FRMD4B: variants seen among roughly 807,000 people sequenced by gnomAD.
The protein encoded by FRMD4B is FERM domain containing 4B.
FRMD4B carries 74 observed loss-of-function variants against 141.5 expected under a neutral mutation model. That is an observed-to-expected ratio of 0.52 (90% CI 0.43 to 0.63). The LOEUF (loss-of-function observed/expected upper bound fraction) is 0.63. Ranked by LOEUF, FRMD4B falls within the 30% of genes least tolerant of loss-of-function variation. FRMD4B has a pLI of 0.00. For synonymous variants in FRMD4B, 506 were observed against 467.9 expected (o/e 1.08, Z -1.05); for missense variants, 1,366 against 1,253.4 (o/e 1.09, Z -1.36).
chr3:69,368,434 T>C (rs62254082), intron 1 of FRMD4B, among the ~76,000 whole-genome samples: 45,907 of 152,152 alleles, frequency 0.3, 8,164 homozygotes, highest in East Asian at 0.62. Flanking sequence ...GCAGCTGCTG[T>C]GGCTGAGGAA....
rs765334852 is a variant in FRMD4B at position 69,247,742 on chromosome 3, G to A, written c.581+1484C>T. ...CGGCTCACTGCAAGCTCCACCTCCC[G>A]GGTTCACGCCATTCTCCTGCCACAG... On this transcript the variant is annotated intron_variant, in intron 7 of 22. Coordinates refer to ENST00000398540, the MANE Select transcript of FRMD4B (RefSeq NM_015123.3). Among the ~76,000 whole-genome samples the A allele has an allele frequency of 5.9e-4, 90 of 152,184 alleles. 1 individual carries two copies. The highest frequency in any genetic ancestry group is 2.4e-4 in the Non-Finnish European group (16 of 68,016).
chr3:69,309,565 C>G (rs960565065), intron 3 of FRMD4B, among the ~76,000 whole-genome samples: 1 of 151,514 alleles, frequency 6.6e-6, no homozygotes, highest in East Asian at 1.9e-4. Flanking sequence ...ACCTCAGCCT[C>G]CCGAGTAGCT....
At chr3:69,483,729 T>C (rs1185738857) in intron 1 of FRMD4B, among the ~76,000 whole-genome samples, 1 of 152,146 alleles carries the variant, frequency 6.6e-6, no homozygotes, top group African/African-American at 2.4e-5. Flanking sequence ...AGGCAATAAA[T>C]GTTAACCAAC....
Position 69,418,385 on chromosome 3 carries a change from A to G in FRMD4B, c.-1+14249T>C, listed in dbSNP as rs76097845. ...CCCTATGACCTCCACACCCTGTGTA[A>G]TCCCCTTCCCTTGAGTGTAGCCAGG... On this transcript the variant is annotated intron_variant, in intron 2 of 5. Transcript: ENST00000459638. Among the ~76,000 whole-genome samples the G allele has an allele frequency of 6.0e-3, 906 of 152,228 alleles. 9 individuals are homozygous for G. The highest frequency in any genetic ancestry group is 0.021 in the African/African-American group (859 of 41,530).
At chr3:69,418,840 G>A (rs1367348628) in intron 2 of FRMD4B, among the ~76,000 whole-genome samples, 4 of 151,846 alleles carry the variant, frequency 2.6e-5, no homozygotes, top group African/African-American at 9.7e-5. Context: ...GTGTGTGTGT[G>A]TGTATAACAC....
chr3:69,506,497 A>T (rs1190844310), intron 1 of FRMD4B, among the ~76,000 whole-genome samples: 1 of 152,058 alleles, frequency 6.6e-6, no homozygotes, highest in Non-Finnish European at 1.5e-5. Flanking sequence ...AAGTGTATTA[A>T]TTCCTCAGAG....
At chr3:69,256,223 G>A (rs1049350375) in intron 5 of FRMD4B, among the ~76,000 whole-genome samples, 1 of 152,222 alleles carries the variant, frequency 6.6e-6, no homozygotes, top group African/African-American at 2.4e-5. Context: ...ATGAGTGAGT[G>A]CATGCAGCTG....
At chr3:69,230,811 C>G (rs1280189524) in intron 7 of FRMD4B, among the ~76,000 whole-genome samples, 2 of 151,988 alleles carry the variant, frequency 1.3e-5, no homozygotes, top group Middle Eastern at 3.4e-3. Flanking sequence ...TATCCCATAA[C>G]AGTATAAATG....
intron 1 of FRMD4B, among the ~76,000 whole-genome samples, chr3:69,323,272 A>G (rs979465966): frequency 6.6e-5 from 10 of 152,032 alleles, no homozygotes; most frequent in Non-Finnish European, 5.9e-5. Context: ...TTTATATACA[A>G]AGGGCCTTTT....
At chr3:69,519,996 C>CTATA in intron 1 of FRMD4B, among the ~76,000 whole-genome samples, 1 of 56,610 alleles carries the variant, frequency 1.8e-5, no homozygotes, top group African/African-American at 1.2e-4. Context: ...GAGTAGTATT[C>CTATA]CATATATATA....
intron 1 of FRMD4B, among the ~76,000 whole-genome samples, chr3:69,434,085 C>A (rs1705223024): frequency 1.3e-5 from 2 of 152,152 alleles, no homozygotes; most frequent in Non-Finnish European, 2.9e-5. Flanking sequence ...GACAAAAGCT[C>A]CTTGAGGGAT....
At chr3:69,425,980 C>A (rs934142317) in intron 2 of FRMD4B, among the ~76,000 whole-genome samples, 8 of 152,192 alleles carry the variant, frequency 5.3e-5, no homozygotes, top group Non-Finnish European at 2.9e-5. Flanking sequence ...TCAAAGTCTA[C>A]CATAACAGGT....
chr3:69,479,186 G>C (rs1001913386), intron 1 of FRMD4B, among the ~76,000 whole-genome samples: 1 of 150,662 alleles, frequency 6.6e-6, no homozygotes, highest in Non-Finnish European at 1.5e-5. Context: ...TCTTTTAATT[G>C]GAGCATTTAG....
chr3:69,215,031 C>T (rs946445591), intron 11 of FRMD4B, among the ~76,000 whole-genome samples: 5 of 151,558 alleles, frequency 3.3e-5, no homozygotes, highest in South Asian at 2.1e-4. Flanking sequence ...ACGCGCATGC[C>T]GCTATGCCCA....
At chr3:69,350,499 A>T (rs1457417193) in intron 1 of FRMD4B, among the ~76,000 whole-genome samples, 1 of 152,208 alleles carries the variant, frequency 6.6e-6, no homozygotes, top group Non-Finnish European at 1.5e-5. Flanking sequence ...ATTATAAATC[A>T]TGCTGCTTTA....
At chr3:69,356,705 A>G (rs1166290473) in intron 1 of FRMD4B, among the ~76,000 whole-genome samples, 2 of 150,922 alleles carry the variant, frequency 1.3e-5, no homozygotes, top group African/African-American at 2.4e-5. Flanking sequence ...TACACCCCAT[A>G]CCCATTAGTC....
At chr3:69,538,743 G>T (rs1701121046) in intron 1 of FRMD4B, among the ~76,000 whole-genome samples, 1 of 152,074 alleles carries the variant, frequency 6.6e-6, no homozygotes, top group Non-Finnish European at 1.5e-5. Flanking sequence ...TACCTAGAGG[G>T]TTTATCAAGC....
At chr3:69,323,532 T>A (rs1218556111) in intron 1 of FRMD4B, among the ~76,000 whole-genome samples, 2 of 148,456 alleles carry the variant, frequency 1.3e-5, no homozygotes, top group Non-Finnish European at 3.0e-5. Context: ...ACCACTGCAC[T>A]CCAGCCTGGG....
intron 1 of FRMD4B, among the ~76,000 whole-genome samples, chr3:69,534,129 A>T (rs1282473929): frequency 6.6e-6 from 1 of 152,180 alleles, no homozygotes; most frequent in South Asian, 2.1e-4. Context: ...AAGTTCAGGA[A>T]ATATCCCTCT....
Sources: gnomAD v4.1 joint callset for allele counts (sites outside exome capture counted in the v4.1 genomes callset) on GRCh38, gnomAD v4.1.1 for gene constraint, MANE v1.5 for transcripts, NCBI Gene and HGNC (gene_info 2026-07-23, HGNC 2026-07-21) for gene names.